TXNDC8: variants seen among roughly 807,000 people sequenced by gnomAD.
The protein encoded by TXNDC8 is thioredoxin domain-containing protein 8.
TXNDC8 carries 15 observed loss-of-function variants against 12.9 expected under a neutral mutation model. That is an observed-to-expected ratio of 1.16 (90% CI 0.78 to 1.79). TXNDC8 has a LOEUF of 1.79. TXNDC8 is among the 40% of genes most tolerant of loss of function. The probability of loss-of-function intolerance (pLI) is 0.00; values close to 1 mark genes in which losing one functional copy is unlikely to be tolerated. For synonymous variants in TXNDC8, 40 were observed against 35.4 expected (o/e 1.13, Z -0.46); for missense variants, 128 against 113.2 (o/e 1.13, Z -0.59).
chr9:110,312,864 T>C (rs1367742638), intron 3 of TXNDC8, among the ~76,000 whole-genome samples: 1 of 152,212 alleles, frequency 6.6e-6, no homozygotes, highest in Non-Finnish European at 1.5e-5. Flanking sequence ...TTCTGCAGTT[T>C]GGACTAAATT....
chr9:110,319,231 G>A (rs1024850907), intron 3 of TXNDC8, among the ~76,000 whole-genome samples: 5 of 152,182 alleles, frequency 3.3e-5, no homozygotes, highest in Non-Finnish European at 7.3e-5. Context: ...ATCCTTGACA[G>A]GTTAAATATT....
chr9:110,311,688 A>G (rs1468916406), intron 3 of TXNDC8, among the ~76,000 whole-genome samples: 1 of 140,030 alleles, frequency 7.1e-6, no homozygotes, highest in Non-Finnish European at 1.5e-5. Context: ...TTATATATAT[A>G]TATATATACA....
intron 3 of TXNDC8, among the ~76,000 whole-genome samples, chr9:110,324,670 T>A (rs1217111147): frequency 6.6e-6 from 1 of 152,244 alleles, no homozygotes; most frequent in East Asian, 1.9e-4. Context: ...AACTGTTTTT[T>A]TTTCCTTGAG....
intron 3 of TXNDC8, among the ~76,000 whole-genome samples, chr9:110,317,739 C>T (rs909497551): frequency 8.5e-5 from 13 of 152,334 alleles, no homozygotes; most frequent in African/African-American, 3.1e-4. Context: ...CACAGTGTAG[C>T]ATTATGACTA....
At chr9:110,303,759 T>C (rs763068548) in intron 4 of TXNDC8, 176 bp from the exon 6 acceptor site, 11 of 1,467,570 alleles carry the variant, frequency 7.5e-6, no homozygotes, top group Non-Finnish European at 9.2e-6. Flanking sequence ...TATTTTCATA[T>C]TTGGCATCCT....
intron 3 of TXNDC8, among the ~76,000 whole-genome samples, chr9:110,325,751 C>T (rs1228830129): frequency 6.6e-6 from 1 of 152,120 alleles, no homozygotes; most frequent in African/African-American, 2.4e-5. Flanking sequence ...TATCTCGTGA[C>T]CTTGTGATCT....
intron 3 of TXNDC8, among the ~76,000 whole-genome samples, chr9:110,306,451 G>A (rs1332093307): frequency 6.6e-6 from 1 of 152,084 alleles, no homozygotes; most frequent in Non-Finnish European, 1.5e-5. Context: ...TGCCATCCTT[G>A]TTTGTAAACA....
downstream of TXNDC8, chr9:110,303,393 T>C (rs1342210413): frequency 9.5e-7 from 1 of 1,053,532 alleles, no homozygotes; most frequent in African/African-American, 1.6e-5. Flanking sequence ...TGCATTATGG[T>C]ATTCAACCAG....
In TXNDC8 at chr9:110,332,754, T is replaced by C. The variant is rs181532684; in HGVS notation, c.129+1462A>G. Among the ~76,000 whole-genome samples the C allele has an allele frequency of 8.7e-4, 133 of 152,284 alleles. 2 individuals are homozygous for C. The Middle Eastern group carries it at 0.02, about 23-fold the overall frequency. ...TAGGATATTACAGAAATTAACCAGA[T>C]AAAATATTGTATAGATATTAAAAGA... On this transcript the variant is annotated intron_variant, in intron 2 of 4. Coordinates refer to ENST00000423740, the MANE Select transcript of TXNDC8 (RefSeq NM_001286946.2).
intron 3 of TXNDC8, among the ~76,000 whole-genome samples, chr9:110,309,308 G>C (rs906593975): frequency 6.6e-6 from 1 of 152,002 alleles, no homozygotes; most frequent in Non-Finnish European, 1.5e-5. Context: ...CAGCCCTACA[G>C]GAAAATCCCC....
At chr9:110,318,876 G>A (rs183626683) in intron 3 of TXNDC8, among the ~76,000 whole-genome samples, 14 of 152,258 alleles carry the variant, frequency 9.2e-5, no homozygotes, top group Admixed American at 3.9e-4. Flanking sequence ...TTTAAATAAA[G>A]GTAAGATTTA....
chr9:110,332,182 G>C (rs1355837140), intron 2 of TXNDC8, among the ~76,000 whole-genome samples: 1 of 152,124 alleles, frequency 6.6e-6, no homozygotes, highest in Non-Finnish European at 1.5e-5. Context: ...AGCATGGTAG[G>C]ACCTGTCAGA....
intron 3 of TXNDC8, chr9:110,323,289 G>T: frequency 1.0e-5 from 10 of 985,364 alleles, no homozygotes; most frequent in Non-Finnish European, 1.2e-5. Context: ...ATCCAAAACG[G>T]ATATATTTGA....
chr9:110,301,877 GC>G (rs1482539283), downstream of TXNDC8, among the ~76,000 whole-genome samples: 1 of 152,136 alleles, frequency 6.6e-6, no homozygotes, highest in African/African-American at 2.4e-5. Flanking sequence ...CCAGTGTTTG[GC>G]AGAGTAAGTG....
intron 2 of TXNDC8, 57 bp from the exon 3 acceptor site, chr9:110,329,348 A>G: frequency 7.3e-7 from 1 of 1,364,478 alleles, no homozygotes. Context: ...TAAAATACAC[A>G]CTGGAAGTGT....
intron 2 of TXNDC8, among the ~76,000 whole-genome samples, chr9:110,327,888 ACT>A (rs1488924999): frequency 6.6e-6 from 1 of 152,030 alleles, no homozygotes; most frequent in African/African-American, 2.4e-5. Flanking sequence ...TGATTGCACA[ACT>A]CTGTGAATAT....
chr9:110,301,244 A>G (rs369246857), downstream of TXNDC8, among the ~76,000 whole-genome samples: 11 of 152,228 alleles, frequency 7.2e-5, no homozygotes, highest in African/African-American at 1.7e-4. Flanking sequence ...CAGACCAGGC[A>G]GTATTTTTCT....
chr9:110,322,709 A>T (rs1027333246), intron 3 of TXNDC8: 2 of 985,514 alleles, frequency 2.0e-6, no homozygotes, highest in South Asian at 4.7e-5. Flanking sequence ...CCAGAAAATT[A>T]TACTGAACTG....
rs139448049 is a variant in TXNDC8 at position 110,335,370 on chromosome 9, G to T, written c.25-1050C>A. Among the ~76,000 whole-genome samples, 317 of 152,196 alleles carry T rather than the reference G, an allele frequency of 2.1e-3. 2 individuals carry two copies. The highest frequency in any genetic ancestry group is 7.2e-3 in the African/African-American group (300 of 41,524). ...TCCCACCTCAGTCTCCCAAAGTGCT[G>T]GGATTACAGGTGTGAGCCACCCCGC... is the stretch of plus-strand genomic sequence containing the variant. On this transcript the variant is annotated intron_variant, in intron 1 of 4. Transcript: ENST00000423740.
Sources: gnomAD v4.1 joint callset for allele counts (sites outside exome capture counted in the v4.1 genomes callset) on GRCh38, gnomAD v4.1.1 for gene constraint, MANE v1.5 for transcripts, NCBI Gene and HGNC (gene_info 2026-07-23, HGNC 2026-07-21) for gene names.